The following FHIT variants were observed in gnomAD, a reference collection of about 807,000 sequenced individuals.
FHIT encodes bis(5'-adenosyl)-triphosphatase.
A neutral mutation model predicts 17.9 loss-of-function variants in FHIT; 19 were observed. The observed-to-expected ratio is 1.06, with a 90% CI of 0.74 to 1.56. FHIT has a LOEUF of 1.56. Among genes scored for constraint, FHIT ranks in the 40% most tolerant of loss-of-function variants. The pLI is 0.00. For synonymous variants in FHIT, 81 were observed against 69.7 expected, an observed-to-expected ratio of 1.16 and a Z score of -0.81; for missense variants, 248 against 189.2, an observed-to-expected ratio of 1.31 and a Z score of -1.82.
chr3:59,854,979 T>C (rs968715427), intron 8 of FHIT, among the ~76,000 whole-genome samples: 20 of 152,210 alleles, frequency 1.3e-4, no homozygotes, highest in African/African-American at 4.8e-4. Flanking sequence ...ACCTGATTAC[T>C]AAAAAGACTT....
At chr3:59,994,022 G>T (rs1559531697) in intron 7 of FHIT, among the ~76,000 whole-genome samples, 1 of 151,940 alleles carries the variant, frequency 6.6e-6, no homozygotes, top group Non-Finnish European at 1.5e-5. Flanking sequence ...ACTACTCTAT[G>T]ACACCAAGCA....
intron 5 of FHIT, among the ~76,000 whole-genome samples, chr3:60,429,490 A>T (rs1401912566): frequency 6.6e-6 from 1 of 152,028 alleles, no homozygotes; most frequent in African/African-American, 2.4e-5. Context: ...CCCATGAGGG[A>T]TGGGAAAACA....
chr3:60,583,849 C>A (rs2037822870), intron 4 of FHIT, among the ~76,000 whole-genome samples: 1 of 151,780 alleles, frequency 6.6e-6, no homozygotes. Context: ...AATCAGCTGC[C>A]TTCCCCCAAA....
intron 5 of FHIT, among the ~76,000 whole-genome samples, chr3:60,332,516 A>T (rs1710032991): frequency 6.6e-6 from 1 of 152,232 alleles, no homozygotes; most frequent in Non-Finnish European, 1.5e-5. Flanking sequence ...TAGCTGGATC[A>T]TTCTTTTCCC....
intron 4 of FHIT, among the ~76,000 whole-genome samples, chr3:60,817,771 A>G (rs141938393): frequency 2.1e-3 from 315 of 152,170 alleles, no homozygotes; most frequent in Middle Eastern, 6.8e-3. Flanking sequence ...TGATCTATGC[A>G]TTTATGTATT....
chr3:60,666,289 A>C (rs1332207082), intron 4 of FHIT, among the ~76,000 whole-genome samples: 2 of 152,168 alleles, frequency 1.3e-5, no homozygotes, highest in Non-Finnish European at 2.9e-5. Flanking sequence ...GTCTGCTAGC[A>C]ACAAATTCAT....
intron 5 of FHIT, among the ~76,000 whole-genome samples, chr3:60,449,427 T>TACACAC (rs140706888): frequency 0.016 from 2,430 of 149,782 alleles, 38 homozygotes; most frequent in African/African-American, 0.034. Flanking sequence ...CATATGCGCA[T>TACACAC]ACACACACAC....
intron 4 of FHIT, among the ~76,000 whole-genome samples, chr3:60,691,365 T>C (rs1005815559): frequency 2.6e-5 from 4 of 151,972 alleles, no homozygotes; most frequent in African/African-American, 7.3e-5. Context: ...TCTTGATTTT[T>C]TCTTTTTCTT....
At chr3:60,732,416 A>G (rs1559678831) in intron 4 of FHIT, 3 of 751,900 alleles carry the variant, frequency 4.0e-6, no homozygotes, top group Non-Finnish European at 5.0e-6. Flanking sequence ...TGGACTTGCC[A>G]CCAGTGCCAT....
chr3:60,671,874 C>G (rs1453636661), intron 4 of FHIT, among the ~76,000 whole-genome samples: 1 of 151,828 alleles, frequency 6.6e-6, no homozygotes, highest in Admixed American at 6.6e-5. Context: ...CACTTGAAAC[C>G]AGGAGAAGAA....
At position 60,617,256 on chromosome 3, in the gene FHIT, A is replaced by T. The variant is rs371489560; in HGVS notation, c.-17-80277T>A. 6.1e-5 allele frequency: 10 copies of T among 164,826 alleles called. No homozygotes were observed. In the East Asian group the frequency reaches 1.0e-3, roughly 17 times the overall value. The allele number at this position is 164,826 out of a possible 1,614,324, so 10.2% of individuals were successfully genotyped here. A position where few individuals can be genotyped will look rare whatever the true frequency, so the allele number is the denominator to read the frequency against. ...TTATGATATCAGATCTTGATACTGT[A>T]AATATTTTGGGCCATTCTCCTGAAT... On this transcript the variant is annotated intron_variant, in intron 4 of 9. Transcript: ENST00000492590.
At chr3:60,193,906 G>T (rs988874697) in intron 5 of FHIT, among the ~76,000 whole-genome samples, 1 of 152,096 alleles carries the variant, frequency 6.6e-6, no homozygotes, top group Non-Finnish European at 1.5e-5. Context: ...TTAAAAAATG[G>T]GCTCGCTTTC....
intron 5 of FHIT, among the ~76,000 whole-genome samples, chr3:60,521,646 A>T (rs2035372746): frequency 6.6e-6 from 1 of 152,226 alleles, no homozygotes; most frequent in Non-Finnish European, 1.5e-5. Context: ...AGAGCCCAGG[A>T]GGCAGGCAAA....
intron 5 of FHIT, among the ~76,000 whole-genome samples, chr3:60,415,853 TATAAG>T (rs756372909): frequency 1.3e-3 from 188 of 142,670 alleles, no homozygotes; most frequent in Middle Eastern, 3.6e-3. Flanking sequence ...GGGATTTTTA[TATAAG>T]ATATTATTAT....
chr3:60,231,245 A>G (rs562661568), intron 5 of FHIT, among the ~76,000 whole-genome samples: 74 of 152,332 alleles, frequency 4.9e-4, no homozygotes, highest in African/African-American at 1.5e-3. Flanking sequence ...ATGTACACAT[A>G]CACATACACA....
At chr3:60,524,031 AG>A (rs1416212696) in intron 5 of FHIT, among the ~76,000 whole-genome samples, 1 of 152,184 alleles carries the variant, frequency 6.6e-6, no homozygotes. Flanking sequence ...AGAGCTAAAA[AG>A]CCAACATGGT....
chr3:60,570,860 A>C (rs1326259734), intron 4 of FHIT, among the ~76,000 whole-genome samples: 2 of 152,108 alleles, frequency 1.3e-5, no homozygotes, highest in Non-Finnish European at 2.9e-5. Context: ...AAAATGAAAA[A>C]AAAATAGTGC....
intron 8 of FHIT, among the ~76,000 whole-genome samples, chr3:59,817,608 AAAG>A (rs1207836351): frequency 3.3e-5 from 5 of 151,870 alleles, no homozygotes; most frequent in Non-Finnish European, 7.4e-5. Flanking sequence ...GAAAAAAGAA[AAAG>A]AAGAACAAAT....
At chr3:60,738,707 T>C (rs1330268226) in intron 4 of FHIT, among the ~76,000 whole-genome samples, 1 of 152,094 alleles carries the variant, frequency 6.6e-6, no homozygotes, top group South Asian at 2.1e-4. Context: ...AATAAACACA[T>C]GTGAAATGAA....
Sources: gnomAD v4.1 joint callset for allele counts (sites outside exome capture counted in the v4.1 genomes callset) on GRCh38, gnomAD v4.1.1 for gene constraint, MANE v1.5 for transcripts, NCBI Gene and HGNC (gene_info 2026-07-23, HGNC 2026-07-21) for gene names.